The following TBCK variants were observed in gnomAD, a reference collection of about 807,000 sequenced individuals.
TBCK encodes the protein TBC domain-containing protein kinase-like protein.
TBCK carries 99 observed loss-of-function variants against 113.4 expected under a neutral mutation model. That is an observed-to-expected ratio of 0.87 (90% CI 0.74 to 1.03). The LOEUF is 1.03. Ranked by LOEUF, TBCK falls within the 50% of genes least tolerant of loss-of-function variation. The pLI, the probability that TBCK is intolerant of heterozygous loss-of-function variation, is 0.00. For missense variants in TBCK, 1,045 were observed against 1,061.3 expected (o/e 0.98, Z 0.21); for synonymous variants, 369 against 370.8 (o/e 1.00, Z 0.05).
At chr4:106,123,350 T>C (rs561495929) in intron 23 of TBCK, among the ~76,000 whole-genome samples, 13 of 152,118 alleles carry the variant, frequency 8.5e-5, no homozygotes, top group East Asian at 1.9e-4. Flanking sequence ...GAACTACAAA[T>C]CACTGCTCAA....
intron 1 of TBCK, among the ~76,000 whole-genome samples, chr4:106,313,929 TAAA>T (rs1027700410): frequency 1.3e-5 from 2 of 152,124 alleles, no homozygotes; most frequent in African/African-American, 4.8e-5. Context: ...AGGAAAGAAA[TAAA>T]AACCCATTTG....
At chr4:106,095,436 T>C in intron 25 of TBCK, 46 bp downstream of exon 25, 2 of 1,538,334 alleles carry the variant, frequency 1.3e-6, no homozygotes, top group Non-Finnish European at 1.8e-6. Flanking sequence ...AGAAGGCAGG[T>C]AAATCACTCA....
At position 106,262,203 on chromosome 4, in the gene TBCK, C is replaced by T. The variant is rs1353230886; in HGVS notation, c.276G>A (p.Thr92=). 7.2e-6 allele frequency: 11 copies of T among 1,535,390 alleles called. No homozygotes were observed. The highest frequency in any genetic ancestry group is 2.5e-5 in the East Asian group (1 of 40,570). The change falls in exon 4 of 26, where the codon ACG becomes ACA. Residue 92 remains threonine, a synonymous_variant. Transcript: ENST00000394708. ...GAACCTCAAATGCTATACACAAAAC[C>T]GTTGAACAGCTACAAAGAAAACAAA... The part of the protein sequence containing the change: ...LRERKPVSCS[T]VLCIAFEVLQ...
chr4:106,108,729 A>T (rs1335336489), intron 24 of TBCK, among the ~76,000 whole-genome samples: 1 of 152,212 alleles, frequency 6.6e-6, no homozygotes, highest in Non-Finnish European at 1.5e-5. Context: ...CACCACTTCT[A>T]TGCAACATAC....
chr4:106,143,677 G>C (rs767936562), intron 23 of TBCK, among the ~76,000 whole-genome samples: 1 of 152,130 alleles, frequency 6.6e-6, no homozygotes, highest in Non-Finnish European at 1.5e-5. Context: ...CACTTTGGGA[G>C]GCCAAGGCGG....
At chr4:106,258,534 A>C (rs1398659505) in intron 5 of TBCK, among the ~76,000 whole-genome samples, 6 of 152,056 alleles carry the variant, frequency 3.9e-5, no homozygotes, top group Non-Finnish European at 8.8e-5. Context: ...GCCAGACCAA[A>C]GGGTAACACA....
chr4:106,125,975 C>T (rs564938561), intron 23 of TBCK, among the ~76,000 whole-genome samples: 1 of 152,174 alleles, frequency 6.6e-6, no homozygotes, highest in Non-Finnish European at 1.5e-5. Flanking sequence ...TGGCGTCTGG[C>T]AAGATATGTG....
At chr4:106,116,068 A>T in intron 24 of TBCK, 135 bp downstream of exon 24, 1 of 745,564 alleles carries the variant, frequency 1.3e-6, no homozygotes, top group Non-Finnish European at 2.2e-6. Context: ...TCTGGCATCC[A>T]GTTTGAGAGT....
At chr4:106,188,002 A>C (rs1753224934) in intron 22 of TBCK, among the ~76,000 whole-genome samples, 1 of 152,162 alleles carries the variant, frequency 6.6e-6, no homozygotes, top group Non-Finnish European at 1.5e-5. Flanking sequence ...GAAAAGAGAC[A>C]GTTTGATTTC....
intron 25 of TBCK, among the ~76,000 whole-genome samples, chr4:106,088,194 A>G (rs1739738568): frequency 6.6e-6 from 1 of 152,252 alleles, no homozygotes; most frequent in South Asian, 2.1e-4. Flanking sequence ...AATTCTTGCA[A>G]TCTACCTATC....
chr4:106,256,455 C>T (rs1467682713), intron 5 of TBCK, among the ~76,000 whole-genome samples: 2 of 152,196 alleles, frequency 1.3e-5, no homozygotes, highest in Non-Finnish European at 2.9e-5. Context: ...TGTGCACACA[C>T]CCAGCCGGGG....
chr4:106,052,516 A>G (rs541551927), intron 25 of TBCK, among the ~76,000 whole-genome samples: 69 of 151,922 alleles, frequency 4.5e-4, no homozygotes, highest in Admixed American at 1.1e-3. Context: ...GGTTCTAATA[A>G]ACTTTTAACC....
At chr4:106,094,501 G>C (rs1232576952) in intron 25 of TBCK, among the ~76,000 whole-genome samples, 1 of 150,310 alleles carries the variant, frequency 6.7e-6, no homozygotes, top group Non-Finnish European at 1.5e-5. Context: ...TGATTACTAA[G>C]AGTAAAAAAA....
At chr4:106,141,196 T>C (rs566444550) in intron 23 of TBCK, among the ~76,000 whole-genome samples, 1 of 140,408 alleles carries the variant, frequency 7.1e-6, no homozygotes, top group Non-Finnish European at 1.6e-5. Context: ...AATTAAATAA[T>C]AGAAAGATAT....
chr4:106,154,268 A>G (rs1402521574), intron 23 of TBCK, among the ~76,000 whole-genome samples: 2 of 152,102 alleles, frequency 1.3e-5, no homozygotes, highest in African/African-American at 4.8e-5. Flanking sequence ...CAAATAATAT[A>G]TTATAATCCA....
At chr4:106,270,820 T>C (rs1032753291) in intron 3 of TBCK, among the ~76,000 whole-genome samples, 1 of 152,224 alleles carries the variant, frequency 6.6e-6, no homozygotes, top group South Asian at 2.1e-4. Context: ...GTTAAATAAG[T>C]ATTGGTCTGT....
chr4:106,120,372 G>T (rs113911732), intron 23 of TBCK, among the ~76,000 whole-genome samples: 1 of 152,092 alleles, frequency 6.6e-6, no homozygotes, highest in Non-Finnish European at 1.5e-5. Flanking sequence ...ACTGCAAGGC[G>T]GCAGCGAGGC....
At chr4:106,208,139 G>A (rs1287126791) in intron 20 of TBCK, among the ~76,000 whole-genome samples, 1 of 152,086 alleles carries the variant, frequency 6.6e-6, no homozygotes, top group African/African-American at 2.4e-5. Context: ...TGTCTCTGAA[G>A]ACTAATCACA....
chr4:106,070,454 T>C (rs962894333), intron 25 of TBCK, among the ~76,000 whole-genome samples: 20 of 152,018 alleles, frequency 1.3e-4, no homozygotes, highest in African/African-American at 4.6e-4. Context: ...TATTGATTTG[T>C]GTATGTTGAG....
Sources: allele counts gnomAD v4.1 joint callset (sites outside exome capture counted in the v4.1 genomes callset), GRCh38; gene constraint gnomAD v4.1.1; transcripts MANE v1.5; gene names NCBI Gene and HGNC (gene_info 2026-07-23, HGNC 2026-07-21).